Variants in PCGF5 observed in about 807,000 individuals in gnomAD.
The protein encoded by PCGF5 is polycomb group RING finger protein 5.
In PCGF5, 9 loss-of-function variants were observed where a neutral mutation model predicts 44.3. The observed-to-expected ratio is 0.20, with a 90% confidence interval of 0.12 to 0.35. The LOEUF (loss-of-function observed/expected upper bound fraction) is 0.35, where lower values mean the gene tolerates loss of function less well. PCGF5 is among the 10% of genes least tolerant of loss of function. The pLI is 1.00. For synonymous variants in PCGF5, 95 were observed against 102.5 expected, an observed-to-expected ratio of 0.93 and a Z score of 0.44; for missense variants, 146 against 305.3, an observed-to-expected ratio of 0.48 and a Z score of 3.89.
upstream of PCGF5, among the ~76,000 whole-genome samples, chr10:91,160,997 G>T (rs1843372912): frequency 6.6e-6 from 1 of 152,208 alleles, no homozygotes; most frequent in South Asian, 2.1e-4. Flanking sequence ...TTGTCCACTG[G>T]CTTCTCCTGC....
chr10:91,222,925 C>G lies in PCGF5; in HGVS notation c.54C>G (p.Cys18Trp). 1 of 1,613,590 alleles carries G rather than the reference C, an allele frequency of 6.2e-7. No individual in the cohort carries two copies. The highest frequency in any genetic ancestry group is 8.5e-7 in the Non-Finnish European group (1 of 1,179,484). ...AAGATTTTAATCCTTACATTACCTG[C>G]TATATCTGTAAAGGGTATCTGATCA... ...LVKDFNPYIT[C>W]YICKGYLIKP... Residue 18 changes from cysteine (C) to tryptophan (W), a missense_variant, in exon 2 of 10, where the codon TGC becomes TGG. Cys to Trp is a radical substitution (Grantham distance 215, BLOSUM62 -2). Around this residue, in one of 3 missense-constraint regions of PCGF5, gnomAD observed 123 missense variants for 268.6 expected, o/e 0.46. Coordinates refer to ENST00000336126, the MANE Select transcript of PCGF5 (RefSeq NM_032373.5).
At chr10:91,274,568 T>C (rs934814238) in intron 9 of PCGF5, among the ~76,000 whole-genome samples, 6 of 152,198 alleles carry the variant, frequency 3.9e-5, no homozygotes, top group Non-Finnish European at 5.9e-5. Flanking sequence ...ACAAATCTTT[T>C]CTTTCATGGA....
chr10:91,281,560 T>G lies in PCGF5; in HGVS notation c.*3244T>G, dbSNP rs1019678500. The stretch of plus-strand genomic sequence containing the variant: ...ATCTAAATAGGCTCTTGTAAGTTAA[T>G]TTTTTTGGAAGATTTTCATAAGAAT... On this transcript the variant is annotated 3_prime_UTR_variant, in exon 10 of 10. Coordinates refer to ENST00000336126, the MANE Select transcript of PCGF5 (RefSeq NM_032373.5). 4 of 152,576 alleles carry G rather than the reference T, an allele frequency of 2.6e-5. No individual in the cohort carries two copies. The highest frequency in any genetic ancestry group is 5.9e-5 in the Non-Finnish European group (4 of 67,998). 9.5% of individuals were successfully genotyped at this position (152,576 alleles called of 1,614,324 possible).
upstream of PCGF5, among the ~76,000 whole-genome samples, chr10:91,160,368 G>A (rs557741060): frequency 5.3e-5 from 8 of 152,242 alleles, no homozygotes; most frequent in African/African-American, 1.9e-4. Flanking sequence ...AGAACCGTCA[G>A]CAGTGTTGTT....
At chr10:91,195,743 A>T (rs1844122548) in intron 1 of PCGF5, among the ~76,000 whole-genome samples, 1 of 151,328 alleles carries the variant, frequency 6.6e-6, no homozygotes, top group Non-Finnish European at 1.5e-5. Context: ...CCTAAATCAT[A>T]TTTTTTTTAA....
At chr10:91,184,848 G>C (rs1229436752) in intron 1 of PCGF5, among the ~76,000 whole-genome samples, 1 of 152,152 alleles carries the variant, frequency 6.6e-6, no homozygotes, top group Non-Finnish European at 1.5e-5. Flanking sequence ...ACCAGTGAAG[G>C]CTACAAAGCA....
chr10:91,167,012 T>A (rs952152408), intron 1 of PCGF5, among the ~76,000 whole-genome samples: 4 of 152,120 alleles, frequency 2.6e-5, no homozygotes, highest in African/African-American at 9.7e-5. Context: ...ATTTCTAAGA[T>A]CTCGTCCAGC....
intron 1 of PCGF5, among the ~76,000 whole-genome samples, chr10:91,212,810 T>C (rs1844477514): frequency 6.6e-6 from 1 of 152,208 alleles, no homozygotes; most frequent in Admixed American, 6.5e-5. Flanking sequence ...TAGCTGGAAG[T>C]AAGTTTAATT....
intron 6 of PCGF5, among the ~76,000 whole-genome samples, chr10:91,260,769 A>T (rs1023200823): frequency 7.5e-5 from 10 of 133,232 alleles, no homozygotes; most frequent in Non-Finnish European, 7.8e-5. Flanking sequence ...ATGAGAACAC[A>T]TGGACACAGG....
chr10:91,264,291 A>G, intron 7 of PCGF5, 140 bp from the exon 8 acceptor site: 1 of 629,042 alleles, frequency 1.6e-6, no homozygotes, highest in Non-Finnish European at 2.7e-6. Context: ...ATGCTTTAGG[A>G]GAATAAATGC....
At chr10:91,254,240 A>G (rs1845693793) in intron 6 of PCGF5, among the ~76,000 whole-genome samples, 1 of 146,948 alleles carries the variant, frequency 6.8e-6, no homozygotes, top group Non-Finnish European at 1.5e-5. Context: ...GTTGGAAACC[A>G]TATATCTGAC....
intron 2 of PCGF5, among the ~76,000 whole-genome samples, chr10:91,228,384 A>G (rs756605300): frequency 6.6e-5 from 10 of 151,056 alleles, no homozygotes; most frequent in East Asian, 1.9e-4. Context: ...CTTTCCTCAG[A>G]AAAAAAAAGG....
intron 6 of PCGF5, among the ~76,000 whole-genome samples, chr10:91,259,768 T>G (rs185379520): frequency 0.13 from 19,797 of 152,098 alleles, 2,406 homozygotes; most frequent in African/African-American, 0.32. Flanking sequence ...GCTAGCCATA[T>G]GTAGAAAGCT....
intron 2 of PCGF5, among the ~76,000 whole-genome samples, chr10:91,238,132 G>A (rs1038128796): frequency 6.6e-6 from 1 of 152,156 alleles, no homozygotes; most frequent in Admixed American, 6.5e-5. Flanking sequence ...AGTCTAGTGT[G>A]TATTTTATAC....
chr10:91,217,344 T>G (rs561148714), upstream of PCGF5, among the ~76,000 whole-genome samples: 12 of 152,366 alleles, frequency 7.9e-5, no homozygotes, highest in African/African-American at 2.2e-4. Flanking sequence ...AAAATTCACC[T>G]TATTTAATAT....
chr10:91,192,994 A>T (rs1844060610), intron 1 of PCGF5, among the ~76,000 whole-genome samples: 1 of 152,212 alleles, frequency 6.6e-6, no homozygotes, highest in South Asian at 2.1e-4. Flanking sequence ...GGCCCAATCT[A>T]ATCAATAAGC....
chr10:91,171,635 A>G (rs1350775898), intron 1 of PCGF5, among the ~76,000 whole-genome samples: 2 of 152,172 alleles, frequency 1.3e-5, no homozygotes, highest in African/African-American at 4.8e-5. Context: ...GGAGAATAGC[A>G]GGGAATATGA....
intron 3 of PCGF5, among the ~76,000 whole-genome samples, chr10:91,246,867 AAGG>A (rs1379270432): frequency 2.0e-5 from 3 of 152,132 alleles, no homozygotes; most frequent in Non-Finnish European, 2.9e-5. Context: ...AGATTAATAA[AAGG>A]AGGTACTTGA....
intron 6 of PCGF5, among the ~76,000 whole-genome samples, chr10:91,259,624 A>G (rs560527578): frequency 1.4e-4 from 22 of 152,186 alleles, no homozygotes; most frequent in Non-Finnish European, 2.9e-4. Context: ...AAACAGGGAT[A>G]TAGACCAATG....
Sources: allele counts gnomAD v4.1 joint callset (sites outside exome capture counted in the v4.1 genomes callset), GRCh38; gene constraint gnomAD v4.1.1; regional missense constraint gnomAD v4.1.1; transcripts MANE v1.5; gene names NCBI Gene and HGNC (gene_info 2026-07-23, HGNC 2026-07-21).